PCDHGA11: variants seen among roughly 807,000 people sequenced by gnomAD.
PCDHGA11 encodes protocadherin gamma subfamily A, 11, also known as protocadherin gamma-A11.
A neutral mutation model predicts 60.4 loss-of-function variants in PCDHGA11; 39 were observed. The observed-to-expected ratio is 0.65, with a 90% confidence interval of 0.50 to 0.84. The LOEUF is 0.84. PCDHGA11 is among the 40% of genes least tolerant of loss of function. PCDHGA11 has a pLI of 0.00. For synonymous variants in PCDHGA11, 533 were observed against 510.3 expected, an observed-to-expected ratio of 1.04 and a Z score of -0.60; for missense variants, 1,165 against 1,197.7, an observed-to-expected ratio of 0.97 and a Z score of 0.40.
intron 1 of PCDHGA11, among the ~76,000 whole-genome samples, chr5:141,454,980 T>A (rs1049733405): frequency 9.3e-5 from 14 of 151,310 alleles, no homozygotes; most frequent in African/African-American, 2.4e-4. Context: ...GCTAATTTTT[T>A]AAAAAATATT....
chr5:141,471,630 G>T (rs2099261496), intron 1 of PCDHGA11: 1 of 152,108 alleles, frequency 6.6e-6, no homozygotes, highest in African/African-American at 2.4e-5. Context: ...GCATTGGTAT[G>T]GATTAGTAAT....
rs749044339 is a variant in PCDHGA11, at chr5:141,477,410, G to A, written c.2434-17397G>A. On this transcript the variant is annotated intron_variant, in intron 1 of 3. Coordinates refer to ENST00000398587, the MANE Select transcript of PCDHGA11 (RefSeq NM_018914.3). This position sits in a 1 kb window ranked among gnomAD's most constrained non-coding sequence, Gnocchi z 4.9. ...CAACCTCAGCATCACCGCCCGAGAC[G>A]CCGGAACCCCTTCCCTCTCAGCCCT... 66 of 1,613,988 alleles carry A rather than the reference G, an allele frequency of 4.1e-5. 1 individual carries two copies. The South Asian group carries it at 7.0e-4, about 17-fold the overall frequency.
intron 1 of PCDHGA11, among the ~76,000 whole-genome samples, chr5:141,466,036 G>C (rs981390655): frequency 1.3e-5 from 2 of 152,064 alleles, no homozygotes; most frequent in Non-Finnish European, 2.9e-5. Context: ...GCAGGAGAAC[G>C]GCATGAACCC....
rs781346812 is a variant in PCDHGA11, at chr5:141,489,773, T to A, written c.2434-5034T>A. 6.2e-7 allele frequency: 1 copy of A among 1,614,102 alleles called. No individual in the cohort carries two copies. The highest frequency in any genetic ancestry group is 8.5e-7 in the Non-Finnish European group (1 of 1,179,984). ...TACACTCTAAGCCCCAACAGCCACT[T>A]CTCTCTGAATGTGAAGACCCTAAAA... is the stretch of plus-strand genomic sequence containing the variant. On this transcript the variant is annotated intron_variant, in intron 1 of 3. Transcript: ENST00000398587. The surrounding 1 kb of genome is among the most constrained non-coding windows in gnomAD (Gnocchi z 4.5).
chr5:141,489,066 C>G lies in PCDHGA11; in HGVS notation c.2434-5741C>G. The stretch of plus-strand genomic sequence containing the variant: ...CACTCAAATTCAGCTCCCCTCCCCC[C>G]TGCCCACCCCCGCCACTCGGTGACT... On this transcript the variant is annotated intron_variant, in intron 1 of 3. Transcript: ENST00000398587. This position sits in a 1 kb window ranked among gnomAD's most constrained non-coding sequence, Gnocchi z 4.5. 1 of 391,132 alleles carries G rather than the reference C, an allele frequency of 2.6e-6. No individual in the cohort carries two copies. Among genetic ancestry groups the G allele is most frequent in the South Asian group, 4.2e-5 (1 of 24,028 alleles). 24.2% of individuals were successfully genotyped at this position (391,132 alleles called of 1,614,324 possible).
chr5:141,450,916 C>T (rs1168320527), intron 1 of PCDHGA11, among the ~76,000 whole-genome samples: 1 of 151,580 alleles, frequency 6.6e-6, no homozygotes, highest in Admixed American at 6.6e-5. Flanking sequence ...CCGCTGCCTC[C>T]CAGATTCAAG....
intron 1 of PCDHGA11, among the ~76,000 whole-genome samples, chr5:141,461,782 TAG>T (rs2099022757): frequency 6.6e-6 from 1 of 152,086 alleles, no homozygotes; most frequent in South Asian, 2.1e-4. Context: ...GCCTCCCAAG[TAG>T]CTGGGATTAC....
At chr5:141,428,169 G>T (rs758370904) in intron 1 of PCDHGA11, 5 of 1,539,960 alleles carry the variant, frequency 3.2e-6, no homozygotes, top group South Asian at 2.2e-5. Context: ...GTTGCTGTGC[G>T]TGACGGAGGA....
chr5:141,483,257 T>G, intron 1 of PCDHGA11, among the ~76,000 whole-genome samples: 1 of 137,924 alleles, frequency 7.3e-6, no homozygotes, highest in East Asian at 1.9e-4. Flanking sequence ...ATCATGAGGT[T>G]TTTTTGTTTT....
intron 1 of PCDHGA11, chr5:141,492,006 G>T (rs2099736069): frequency 7.8e-6 from 5 of 643,420 alleles, no homozygotes; most frequent in Non-Finnish European, 1.3e-5. Context: ...GGCGATTTCC[G>T]CGGGTGTCGG....
chr5:141,472,308 G>A (rs897967832), intron 1 of PCDHGA11, among the ~76,000 whole-genome samples: 6 of 152,074 alleles, frequency 3.9e-5, no homozygotes, highest in South Asian at 4.1e-4. Context: ...TTGGGAAGCC[G>A]AGGCAGGCAG....
At chr5:141,478,567 C>T (rs371741874) in intron 1 of PCDHGA11, 20 of 1,593,698 alleles carry the variant, frequency 1.3e-5, no homozygotes, top group Non-Finnish European at 1.7e-5. Flanking sequence ...GCAAGTCATG[C>T]TTGACCCTGT....
chr5:141,511,230 C>A lies in PCDHGA11; in HGVS notation c.*57C>A. On this transcript the variant is annotated 3_prime_UTR_variant, in exon 4 of 4. Transcript: ENST00000398587. ...CCTCTCCCCAACCAGCCCAGCTTCT[C>A]CTTACCTGCACCCAGGCCTCAGAGT... 6.3e-7 allele frequency: 1 copy of A among 1,597,914 alleles called. No homozygotes were observed. The highest frequency in any genetic ancestry group is 1.1e-5 in the South Asian group (1 of 89,144).
At chr5:141,496,693 C>T (rs2099770546) in intron 2 of PCDHGA11, among the ~76,000 whole-genome samples, 1 of 152,164 alleles carries the variant, frequency 6.6e-6, no homozygotes, top group South Asian at 2.1e-4. Context: ...CCTTGCCAAC[C>T]TTCTCATAAG....
Position 141,477,545 on chromosome 5 carries a change from C to T in PCDHGA11, c.2434-17262C>T. The T allele has an allele frequency of 6.2e-7, 1 of 1,614,194 alleles. No individual in the cohort carries two copies. Among genetic ancestry groups the T allele is most frequent in the South Asian group, 1.1e-5 (1 of 91,086 alleles). On this transcript the variant is annotated intron_variant, in intron 1 of 3. Coordinates refer to ENST00000398587, the MANE Select transcript of PCDHGA11 (RefSeq NM_018914.3). The surrounding 1 kb of genome is among the most constrained non-coding windows in gnomAD (Gnocchi z 4.9). ...AAACAACCTCCCCGGGGCTCCAATA[C>T]TAAACCTAAGTGTCTGGGACCCCGA...
chr5:141,426,492 T>C (rs1439487321), intron 1 of PCDHGA11: 2 of 336,712 alleles, frequency 5.9e-6, no homozygotes, highest in African/African-American at 4.3e-5. Context: ...TTAGAGTTAG[T>C]GCAGAGAAAC....
Position 141,511,381 on chromosome 5 carries a change from G to C in PCDHGA11, c.*208G>C. 8.5e-7 allele frequency: 1 copy of C among 1,170,380 alleles called. No individual in the cohort carries two copies. Among genetic ancestry groups the C allele is most frequent in the Non-Finnish European group, 1.2e-6 (1 of 854,768 alleles). 72.5% of individuals were successfully genotyped at this position (1,170,380 alleles called of 1,614,324 possible). On this transcript the variant is annotated 3_prime_UTR_variant, in exon 4 of 4. Coordinates refer to ENST00000398587, the MANE Select transcript of PCDHGA11 (RefSeq NM_018914.3). The stretch of plus-strand genomic sequence containing the variant: ...GGGTTGAATATGCAAAAGCAGTTCC[G>C]CTGGGAACCCCCATCCAATCAACTG...
chr5:141,447,388 T>C (rs1302757515), intron 1 of PCDHGA11, among the ~76,000 whole-genome samples: 3 of 152,166 alleles, frequency 2.0e-5, no homozygotes, highest in African/African-American at 7.2e-5. Flanking sequence ...TCTGCCCACC[T>C]CGGCCTCCCA....
intron 1 of PCDHGA11, among the ~76,000 whole-genome samples, chr5:141,453,293 T>TTATG: frequency 6.6e-6 from 1 of 151,872 alleles, no homozygotes; most frequent in Non-Finnish European, 1.5e-5. Flanking sequence ...TTTTAATTAT[T>TTATG]TATTTATTTA....
Sources: gnomAD v4.1 joint callset for allele counts (sites outside exome capture counted in the v4.1 genomes callset) on GRCh38, gnomAD v4.1.1 for gene constraint, Gnocchi (gnomAD v3.1) non-coding constraint, MANE v1.5 for transcripts, NCBI Gene and HGNC (gene_info 2026-07-23, HGNC 2026-07-21) for gene names.